PAMR1: variants seen among roughly 807,000 people sequenced by gnomAD.
PAMR1 encodes the protein peptidase domain containing associated with muscle regeneration 1, also known as inactive serine protease PAMR1.
PAMR1 carries 88 observed loss-of-function variants against 81.8 expected under a neutral mutation model. That is an observed-to-expected ratio of 1.08 (90% CI 0.91 to 1.28). The LOEUF (loss-of-function observed/expected upper bound fraction) is 1.28, where lower values mean the gene tolerates loss of function less well. PAMR1 is among the 50% of genes most tolerant of loss of function. The pLI, the probability that PAMR1 is intolerant of heterozygous loss-of-function variation, is 0.00. For missense variants in PAMR1, 935 were observed against 919.7 expected (o/e 1.02, Z -0.21); for synonymous variants, 336 against 345.3 (o/e 0.97, Z 0.30).
intron 3 of PAMR1, among the ~76,000 whole-genome samples, chr11:35,484,024 AAAC>A (rs1462077076): frequency 1.3e-5 from 2 of 152,104 alleles, no homozygotes; most frequent in African/African-American, 2.4e-5. Context: ...CTGCCACCCA[AAAC>A]AACAACTAAC....
At chr11:35,526,664 C>T (rs1194170779), upstream of PAMR1, among the ~76,000 whole-genome samples, 1 of 152,180 alleles carries the variant, frequency 6.6e-6, no homozygotes, top group East Asian at 1.9e-4. Context: ...GGTTTGAACC[C>T]GGGCAGCTTA....
intron 6 of PAMR1, among the ~76,000 whole-genome samples, chr11:35,458,489 C>T (rs1259396977): frequency 1.3e-5 from 2 of 152,138 alleles, no homozygotes; most frequent in Non-Finnish European, 2.9e-5. Context: ...CCAGATACCA[C>T]CTGAGCTAAA....
intron 1 of PAMR1, among the ~76,000 whole-genome samples, chr11:35,515,157 C>G (rs10742350): frequency 5.9e-5 from 9 of 152,018 alleles, no homozygotes; most frequent in Admixed American, 5.2e-4. Flanking sequence ...CAAACTATCC[C>G]ACCTGTTCCC....
chr11:35,512,713 G>T (rs1851095207), intron 1 of PAMR1, among the ~76,000 whole-genome samples: 1 of 152,130 alleles, frequency 6.6e-6, no homozygotes, highest in Non-Finnish European at 1.5e-5. Flanking sequence ...AATGGTTAGG[G>T]TGGGCATGGT....
chr11:35,457,307 G>GA (rs1241888846), intron 6 of PAMR1, among the ~76,000 whole-genome samples: 1 of 128,022 alleles, frequency 7.8e-6, no homozygotes, highest in Non-Finnish European at 1.7e-5. Context: ...CTGAATGCTT[G>GA]AGGGGGAATC....
chr11:35,453,439 C>T (rs1163898612), intron 6 of PAMR1: 2 of 152,206 alleles, frequency 1.3e-5, no homozygotes, highest in African/African-American at 4.8e-5. Context: ...TAATCCTGCA[C>T]AATAAAGCCT....
At chr11:35,438,534 C>T (rs1053926442) in intron 8 of PAMR1, among the ~76,000 whole-genome samples, 3 of 152,222 alleles carry the variant, frequency 2.0e-5, no homozygotes, top group Non-Finnish European at 2.9e-5. Flanking sequence ...CAGAGGCAGA[C>T]TCAGGTCTTG....
intron 6 of PAMR1, among the ~76,000 whole-genome samples, chr11:35,445,254 GTTT>G (rs1268541670): frequency 2.0e-5 from 3 of 152,164 alleles, no homozygotes; most frequent in Non-Finnish European, 2.9e-5. Flanking sequence ...AGACGATGGG[GTTT>G]TCTAGATATA....
In PAMR1 at chr11:35,473,912, G is replaced by C. The variant is rs1565342196; in HGVS notation, c.494+718C>G. Among the ~76,000 whole-genome samples, 5 of 152,196 alleles carry C rather than the reference G, an allele frequency of 3.3e-5. 1 individual carries two copies. The highest frequency in any genetic ancestry group is 2.6e-4 in the Admixed American group (4 of 15,278). The stretch of plus-strand genomic sequence containing the variant: ...GGAAAGCGGGAGGTGTTTTTCATTA[G>C]AGAGAAGATACACTGCAATCAGAAG... On this transcript the variant is annotated intron_variant, in intron 4 of 10. Coordinates refer to ENST00000619888, the MANE Select transcript of PAMR1 (RefSeq NM_001001991.3).
Position 35,486,661 on chromosome 11 carries a change from C to G in PAMR1, c.379+5384G>C, listed in dbSNP as rs556580807. Among the ~76,000 whole-genome samples, 49 of 152,320 alleles carry G rather than the reference C, an allele frequency of 3.2e-4. No individual in the cohort carries two copies. In the South Asian group the frequency reaches 0.01, roughly 32 times the overall value. On this transcript the variant is annotated intron_variant, in intron 3 of 10. Transcript: ENST00000619888. ...AACAGCGTCTTACACCAAGGTGCAA[C>G]CCAAGATTTGACCAGTAGGTGCTAT...
chr11:35,460,294 G>C (rs1565335466), intron 6 of PAMR1, among the ~76,000 whole-genome samples: 1 of 150,506 alleles, frequency 6.6e-6, no homozygotes, highest in Non-Finnish European at 1.5e-5. Context: ...TGCTCTCACT[G>C]TTTGTATCCT....
intron 2 of PAMR1, among the ~76,000 whole-genome samples, chr11:35,492,673 T>C (rs1850653024): frequency 6.6e-6 from 1 of 152,214 alleles, no homozygotes; most frequent in African/African-American, 2.4e-5. Context: ...AATTTCATAA[T>C]AGACAGTAAA....
chr11:35,493,001 A>G (rs927790291), intron 2 of PAMR1, among the ~76,000 whole-genome samples: 15 of 152,192 alleles, frequency 9.9e-5, no homozygotes, highest in African/African-American at 3.4e-4. Flanking sequence ...CATTTGTCAA[A>G]CTGGGTGATA....
intron 1 of PAMR1, among the ~76,000 whole-genome samples, chr11:35,495,758 A>C (rs1185858282): frequency 6.6e-6 from 1 of 152,178 alleles, no homozygotes; most frequent in East Asian, 1.9e-4. Context: ...CACAGGGTTG[A>C]TCACTCTCAA....
At chr11:35,514,275 A>C (rs1330873556) in intron 1 of PAMR1, among the ~76,000 whole-genome samples, 1 of 152,260 alleles carries the variant, frequency 6.6e-6, no homozygotes, top group Non-Finnish European at 1.5e-5. Flanking sequence ...TCTGCAGAAC[A>C]GAAAAAGACA....
intron 3 of PAMR1, among the ~76,000 whole-genome samples, chr11:35,475,442 C>T (rs1380708980): frequency 6.6e-6 from 1 of 152,130 alleles, no homozygotes; most frequent in Non-Finnish European, 1.5e-5. Flanking sequence ...GGGCCCAAAA[C>T]CCTCCACCCC....
chr11:35,481,312 A>G (rs1266679309), intron 3 of PAMR1, among the ~76,000 whole-genome samples: 2 of 152,202 alleles, frequency 1.3e-5, no homozygotes, highest in Non-Finnish European at 2.9e-5. Context: ...ACTAATTTAC[A>G]TTCCCACCAA....
chr11:35,514,319 A>G (rs901364954), intron 1 of PAMR1, among the ~76,000 whole-genome samples: 2 of 152,222 alleles, frequency 1.3e-5, no homozygotes, highest in African/African-American at 4.8e-5. Context: ...GCGAGATGTA[A>G]TGTCTCCTCC....
chr11:35,487,157 A>G (rs1235903593), intron 3 of PAMR1, among the ~76,000 whole-genome samples: 1 of 151,918 alleles, frequency 6.6e-6, no homozygotes, highest in Non-Finnish European at 1.5e-5. Context: ...AATGCCTGCC[A>G]ACTCACAGAC....
Sources: allele counts gnomAD v4.1 joint callset (sites outside exome capture counted in the v4.1 genomes callset), GRCh38; gene constraint gnomAD v4.1.1; transcripts MANE v1.5; gene names NCBI Gene and HGNC (gene_info 2026-07-23, HGNC 2026-07-21).